The following ASPHD1 variants were observed in gnomAD, a reference collection of about 807,000 sequenced individuals.
ASPHD1 encodes aspartate beta-hydroxylase domain-containing protein 1.
A neutral mutation model predicts 28.3 loss-of-function variants in ASPHD1; 20 were observed. The observed-to-expected ratio is 0.71, with a 90% CI of 0.50 to 1.03. The LOEUF (loss-of-function observed/expected upper bound fraction) is 1.03. Among genes scored for constraint, ASPHD1 ranks in the 50% least tolerant of loss-of-function variants. ASPHD1 has a pLI of 0.00. For missense variants in ASPHD1, 479 were observed against 524.1 expected, an observed-to-expected ratio of 0.91 and a Z score of 0.84; for synonymous variants, 240 against 221.2, an observed-to-expected ratio of 1.08 and a Z score of -0.75.
At position 29,901,681 on chromosome 16, in the gene ASPHD1, C is replaced by A; in HGVS notation, c.710C>A (p.Pro237Gln). Residue 237 changes from proline to glutamine, a missense_variant, in exon 1 of 3, where the codon CCG (proline) becomes CAG (glutamine). Physicochemically the swap from Pro to Gln is moderately conservative, Grantham distance 76 (BLOSUM62 -1). Coordinates refer to ENST00000308748, the MANE Select transcript of ASPHD1 (RefSeq NM_181718.4). The surrounding 1 kb of genome is among the most constrained non-coding windows in gnomAD (Gnocchi z 5.1). The stretch of plus-strand genomic sequence containing the variant: ...TGGGACTTCTCAGGGACTACCCCTC[C>A]GCCTCGGGGCTGGTCCCCACCTCTG... ...VSWDFSGTTP[P>Q]PRGWSPPLAP... is the part of the protein sequence containing the mutation. 6.3e-7 allele frequency: 1 copy of A among 1,583,630 alleles called. No homozygotes were observed. The highest frequency in any genetic ancestry group is 8.5e-7 in the Non-Finnish European group (1 of 1,169,710).
At chr16:29,904,409 G>A (rs1200741755) in intron 1 of ASPHD1, among the ~76,000 whole-genome samples, 1 of 151,190 alleles carries the variant, frequency 6.6e-6, no homozygotes, top group Non-Finnish European at 1.5e-5. Context: ...TCATGCCACT[G>A]CACTCCAACC....
intron 1 of ASPHD1, among the ~76,000 whole-genome samples, chr16:29,902,457 T>C (rs1327506468): frequency 6.6e-6 from 1 of 152,212 alleles, no homozygotes; most frequent in African/African-American, 2.4e-5. Flanking sequence ...AAGAAAGCTT[T>C]CAACAGTCTA....
At position 29,905,978 on chromosome 16, in the gene ASPHD1, C is replaced by G; in HGVS notation, c.*81C>G. On this transcript the variant is annotated 3_prime_UTR_variant, in exon 3 of 3. Coordinates refer to ENST00000308748, the MANE Select transcript of ASPHD1 (RefSeq NM_181718.4). Reference sequence around the variant, plus strand: ...CTTGATGGTAGCCAGGACCTCCTCTCTACTGCGGGGGTGGGCGGGGGCGGA... The same window carrying G: ...CTTGATGGTAGCCAGGACCTCCTCTGTACTGCGGGGGTGGGCGGGGGCGGA... The G allele has an allele frequency of 6.3e-6, 5 of 792,332 alleles. No individual in the cohort carries two copies. The highest frequency in any genetic ancestry group is 1.0e-5 in the Non-Finnish European group (5 of 499,942). The allele number at this position is 792,332 out of a possible 1,614,324, so 49.1% of individuals were successfully genotyped here.
At chr16:29,906,999 C>A (rs1401409413), downstream of ASPHD1, 3 of 1,614,048 alleles carry the variant, frequency 1.9e-6, no homozygotes, top group Non-Finnish European at 2.5e-6. Context: ...CCCACCAGCT[C>A]CAGCTGCTCC....
At chr16:29,912,381 G>A in intron 3 of ASPHD1, 1 of 414,774 alleles carries the variant, frequency 2.4e-6, no homozygotes, top group Non-Finnish European at 4.3e-6. Context: ...CTCAGGGCCA[G>A]CCCTCCCCAG....
intron 1 of ASPHD1, among the ~76,000 whole-genome samples, chr16:29,903,937 T>G (rs1257405868): frequency 6.6e-6 from 1 of 151,988 alleles, no homozygotes; most frequent in Admixed American, 6.6e-5. Context: ...TATCACACAG[T>G]AAGCTCTTGA....
intron 3 of ASPHD1, chr16:29,911,922 C>G (rs1405612454): frequency 1.9e-6 from 3 of 1,607,096 alleles, no homozygotes; most frequent in Non-Finnish European, 2.6e-6. Flanking sequence ...AGAGGCCCCC[C>G]CAGTGAGCCT....
At chr16:29,908,380 A>T (rs900538028), downstream of ASPHD1, among the ~76,000 whole-genome samples, 3 of 151,770 alleles carry the variant, frequency 2.0e-5, no homozygotes, top group African/African-American at 7.3e-5. Flanking sequence ...TTAATTTTTT[A>T]TTTTTATTTT....
rs1270759554 is a variant in ASPHD1, at chr16:29,901,382, G to C, written c.411G>C (p.Gly137=). The C allele has an allele frequency of 6.3e-7, 1 of 1,591,892 alleles. No homozygotes were observed. The highest frequency in any genetic ancestry group is 1.8e-5 in the Admixed American group (1 of 56,284). ...GPSPGGPGDP[G]EGPRTEGLVS... ...GCCCAGGGGGTCCTGGGGATCCCGG[G>C]GAAGGACCTAGGACGGAAGGCCTAG... Residue 137 remains glycine (G), a synonymous_variant, in exon 1 of 3, where the codon GGG becomes GGC. Coordinates refer to ENST00000308748, the MANE Select transcript of ASPHD1 (RefSeq NM_181718.4). This position sits in a 1 kb window ranked among gnomAD's most constrained non-coding sequence, Gnocchi z 5.1.
intron 1 of ASPHD1, among the ~76,000 whole-genome samples, chr16:29,903,567 C>G (rs956146309): frequency 1.3e-5 from 2 of 152,142 alleles, no homozygotes; most frequent in African/African-American, 4.8e-5. Context: ...CCCCAATCAT[C>G]TCCTGTGCTG....
At chr16:29,910,983 T>A, downstream of ASPHD1, 1 of 1,613,822 alleles carries the variant, frequency 6.2e-7, no homozygotes, top group Non-Finnish European at 8.5e-7. Flanking sequence ...CTGACCTTGG[T>A]CTGCTTCTTC....
rs548671549 is a variant in ASPHD1 at position 29,901,986 on chromosome 16, C to T, written c.949+66C>T. 16 of 1,272,696 alleles carry T rather than the reference C, an allele frequency of 1.3e-5. No homozygotes were observed. In the African/African-American group the frequency reaches 1.7e-4, roughly 14 times the overall value. The allele number at this position is 1,272,696 out of a possible 1,614,324, so 78.8% of individuals were successfully genotyped here. ...GATTTCCCCCCCAGACCCTTCTCTC[C>T]GCCAGAGCCGTCTGCTGTCTGGTTC... is the stretch of plus-strand genomic sequence containing the variant. On this transcript the variant is annotated intron_variant, in intron 1 of 2. Coordinates refer to ENST00000308748, the MANE Select transcript of ASPHD1 (RefSeq NM_181718.4). The surrounding 1 kb of genome is among the most constrained non-coding windows in gnomAD (Gnocchi z 5.1).
In ASPHD1 at chr16:29,901,012, C is replaced by G. The variant is rs762628760; in HGVS notation, c.41C>G (p.Pro14Arg). 1.3e-6 allele frequency: 2 copies of G among 1,566,518 alleles called. No individual in the cohort carries two copies. Among genetic ancestry groups the G allele is most frequent in the Non-Finnish European group, 1.7e-6 (2 of 1,155,212 alleles). The change falls in exon 1 of 3, where the codon CCG becomes CGG. Residue 14 changes from proline to arginine, a missense_variant. Physicochemically the swap from Pro to Arg is moderately radical, Grantham distance 103 (BLOSUM62 -2). Coordinates refer to ENST00000308748, the MANE Select transcript of ASPHD1 (RefSeq NM_181718.4). This position sits in a 1 kb window ranked among gnomAD's most constrained non-coding sequence, Gnocchi z 5.1. ...GRGSFSVERG[P>R]RKERETAQSG... ...GGGAGCTTCAGCGTGGAGAGAGGACCGCGGAAGGAGAGAGAGACAGCCCAG... is the reference window on the plus strand; with the variant it reads ...GGGAGCTTCAGCGTGGAGAGAGGACGGCGGAAGGAGAGAGAGACAGCCCAG...
At chr16:29,919,201 C>G (rs114038355) in intron 3 of ASPHD1, among the ~76,000 whole-genome samples, 1 of 152,172 alleles carries the variant, frequency 6.6e-6, no homozygotes, top group Non-Finnish European at 1.5e-5. Context: ...AGTTGGAAAG[C>G]GGGTCATTGT....
chr16:29,902,334 T>C (rs2068560656), intron 1 of ASPHD1, among the ~76,000 whole-genome samples: 1 of 152,050 alleles, frequency 6.6e-6, no homozygotes, highest in South Asian at 2.1e-4. Flanking sequence ...GAGGGTGAGG[T>C]GGGAGGTTCA....
chr16:29,904,590 G>T (rs2068583423), intron 1 of ASPHD1, among the ~76,000 whole-genome samples: 1 of 149,914 alleles, frequency 6.7e-6, no homozygotes, highest in South Asian at 2.1e-4. Context: ...TCCAGCCTGG[G>T]TGAGAGAGTG....
At chr16:29,905,035 C>A (rs1416899234) in intron 2 of ASPHD1, 70 bp downstream of exon 2, 11 of 1,158,226 alleles carry the variant, frequency 9.5e-6, no homozygotes, top group African/African-American at 1.5e-5. Context: ...TAGAAGGCAG[C>A]AGAATCAGGC....
downstream of ASPHD1, among the ~76,000 whole-genome samples, chr16:29,908,005 GAAAGAGATACATCAGGA>G (rs1355000387): frequency 7.3e-5 from 11 of 151,420 alleles, no homozygotes; most frequent in South Asian, 4.2e-4. Flanking sequence ...GAGAGAGAGA[GAAAGAGATACATCAGGA>G]AAAGAGATAC....
At chr16:29,915,635 AAAG>A (rs938827514) in intron 3 of ASPHD1, among the ~76,000 whole-genome samples, 1 of 152,014 alleles carries the variant, frequency 6.6e-6, no homozygotes, top group Non-Finnish European at 1.5e-5. Context: ...GAAAAAGAAA[AAAG>A]AAAATCTCTG....
Sources: allele counts gnomAD v4.1 joint callset (sites outside exome capture counted in the v4.1 genomes callset), GRCh38; gene constraint gnomAD v4.1.1; non-coding constraint Gnocchi (gnomAD v3.1); transcripts MANE v1.5; gene names NCBI Gene and HGNC (gene_info 2026-07-23, HGNC 2026-07-21).